Variants in CERS6 observed in about 807,000 individuals in gnomAD.
CERS6 encodes ceramide synthase 6.
In CERS6, 26 loss-of-function variants were observed where a neutral mutation model predicts 56.8. The observed-to-expected ratio is 0.46, with a 90% CI of 0.34 to 0.63. CERS6 has a LOEUF of 0.63. Among genes scored for constraint, CERS6 ranks in the 30% least tolerant of loss-of-function variants. CERS6 has a pLI of 0.01. For missense variants in CERS6, 415 were observed against 467.5 expected, an observed-to-expected ratio of 0.89 and a Z score of 1.04; for synonymous variants, 164 against 173.3, an observed-to-expected ratio of 0.95 and a Z score of 0.42.
chr2:168,465,455 C>G (rs1693853875), intron 1 of CERS6, among the ~76,000 whole-genome samples: 2 of 152,138 alleles, frequency 1.3e-5, no homozygotes, highest in African/African-American at 4.8e-5. Flanking sequence ...TCCCACAGGC[C>G]CCACCTCCTA....
At chr2:168,501,218 C>G (rs1450753455) in intron 1 of CERS6, among the ~76,000 whole-genome samples, 2 of 152,116 alleles carry the variant, frequency 1.3e-5, no homozygotes, top group Non-Finnish European at 2.9e-5. Context: ...GCATCAATAT[C>G]CATGATTCAG....
At chr2:168,491,583 G>A (rs959144205) in intron 1 of CERS6, among the ~76,000 whole-genome samples, 6 of 151,910 alleles carry the variant, frequency 3.9e-5, no homozygotes, top group African/African-American at 9.7e-5. Context: ...TGACTCCTTA[G>A]GGTTAACTAT....
At chr2:168,764,945 A>G (rs1684688277) in intron 8 of CERS6, among the ~76,000 whole-genome samples, 1 of 152,202 alleles carries the variant, frequency 6.6e-6, no homozygotes, top group African/African-American at 2.4e-5. Flanking sequence ...ATTATTTGCA[A>G]TGGCCAAAAG....
intron 1 of CERS6, among the ~76,000 whole-genome samples, chr2:168,479,978 A>G (rs1694150009): frequency 6.6e-6 from 1 of 152,016 alleles, no homozygotes; most frequent in Non-Finnish European, 1.5e-5. Flanking sequence ...TTCTTCCACC[A>G]CCATTTGTTA....
chr2:168,554,314 C>T (rs139451293), intron 2 of CERS6, among the ~76,000 whole-genome samples: 397 of 152,158 alleles, frequency 2.6e-3, no homozygotes, highest in African/African-American at 8.4e-3. Context: ...TGGTATGGGT[C>T]GAATTATTTT....
rs150634680 is a variant in CERS6, at chr2:168,504,436, C to T, written c.171-43160C>T. ...GTAGAGTTGTGGGGGAAGATCATGC[C>T]CCTTAAATCAGCTTGTAAAATGTGA... On this transcript the variant is annotated intron_variant, in intron 1 of 9. Transcript: ENST00000305747. Among the ~76,000 whole-genome samples the T allele has an allele frequency of 4.0e-3, 615 of 151,900 alleles. 5 individuals carry two copies. Among genetic ancestry groups the T allele is most frequent in the Middle Eastern group, 0.017 (5 of 294 alleles).
chr2:168,559,487 C>T lies in CERS6; in HGVS notation c.277-1705C>T, dbSNP rs552831219. Reference sequence around the variant, plus strand: ...GCACATGGCCATCTTCTCTTGTAACCTCACATGGAACAGACTGAGAGAGAC... The same window carrying T: ...GCACATGGCCATCTTCTCTTGTAACTTCACATGGAACAGACTGAGAGAGAC... On this transcript the variant is annotated intron_variant, in intron 2 of 9. Coordinates refer to ENST00000305747, the MANE Select transcript of CERS6 (RefSeq NM_203463.3). Among the ~76,000 whole-genome samples the T allele has an allele frequency of 4.2e-4, 64 of 151,952 alleles. 2 individuals carry two copies. Among genetic ancestry groups the T allele is most frequent in the Middle Eastern group, 6.8e-3 (2 of 294 alleles).
At position 168,717,684 on chromosome 2, in the gene CERS6, A is replaced by G. The variant is rs150071331; in HGVS notation, c.739-188A>G. Among the ~76,000 whole-genome samples, 248 of 152,296 alleles carry G rather than the reference A, an allele frequency of 1.6e-3. 3 individuals carry two copies. The highest frequency in any genetic ancestry group is 5.7e-3 in the African/African-American group (238 of 41,566). On this transcript the variant is annotated intron_variant, in intron 7 of 9. Transcript: ENST00000305747. Reference sequence around the variant, plus strand: ...TATGGCTAATGCTGCCTTTCACTCAACTTACGGGTAATTTATAAATACTGG... The same window carrying G: ...TATGGCTAATGCTGCCTTTCACTCAGCTTACGGGTAATTTATAAATACTGG...
At chr2:168,736,806 C>T (rs1683728874) in intron 8 of CERS6, among the ~76,000 whole-genome samples, 1 of 152,200 alleles carries the variant, frequency 6.6e-6, no homozygotes, top group Non-Finnish European at 1.5e-5. Context: ...TAAGGACAGC[C>T]CTGGCATGGC....
intron 8 of CERS6, among the ~76,000 whole-genome samples, chr2:168,734,046 C>T (rs946258556): frequency 1.3e-5 from 2 of 152,094 alleles, no homozygotes; most frequent in African/African-American, 4.8e-5. Context: ...GAATAAATCT[C>T]ACTTGCTAAA....
intron 3 of CERS6, among the ~76,000 whole-genome samples, chr2:168,566,289 C>T (rs150672995): frequency 5.9e-5 from 9 of 152,228 alleles, no homozygotes; most frequent in African/African-American, 1.7e-4. Context: ...GCTGAAGTTA[C>T]GGAGTTTGTT....
chr2:168,635,408 G>T (rs1684840433), intron 4 of CERS6, among the ~76,000 whole-genome samples: 1 of 152,188 alleles, frequency 6.6e-6, no homozygotes, highest in African/African-American at 2.4e-5. Flanking sequence ...GGAGGCAGGG[G>T]ATGAACGTGA....
chr2:168,560,104 A>G (rs1295779480), intron 2 of CERS6, among the ~76,000 whole-genome samples: 1 of 152,178 alleles, frequency 6.6e-6, no homozygotes, highest in Non-Finnish European at 1.5e-5. Flanking sequence ...GTGAGACTTC[A>G]CAATCATGGC....
chr2:168,743,685 G>A (rs545229013), intron 8 of CERS6, among the ~76,000 whole-genome samples: 302 of 152,160 alleles, frequency 2.0e-3, no homozygotes, highest in Non-Finnish European at 3.4e-3. Flanking sequence ...AATCTAAAGG[G>A]GAATATTTTT....
chr2:168,551,999 G>T (rs1695581735), intron 2 of CERS6, among the ~76,000 whole-genome samples: 1 of 152,026 alleles, frequency 6.6e-6, no homozygotes, highest in Admixed American at 6.6e-5. Flanking sequence ...AGCCATGGGG[G>T]TGAGAATATA....
Position 168,456,321 on chromosome 2 carries a change from C to CG in CERS6, c.-126dup. On this transcript the variant is annotated 5_prime_UTR_variant, in exon 1 of 10. Coordinates refer to ENST00000305747, the MANE Select transcript of CERS6 (RefSeq NM_203463.3). This position sits in a 1 kb window ranked among gnomAD's most constrained non-coding sequence, Gnocchi z 4.1. ...GCAGCGGCCGCGGAGGAGGCGGCGGCGGCGGGCGGGAGCAGCGGCGGCGGC... is the reference window on the plus strand; with the variant it reads ...GCAGCGGCCGCGGAGGAGGCGGCGGCGGGCGGGCGGGAGCAGCGGCGGCGGC... 3 of 436,476 alleles carry CG rather than the reference C, an allele frequency of 6.9e-6. No individual in the cohort carries two copies. The highest frequency in any genetic ancestry group is 9.9e-6 in the Non-Finnish European group (3 of 301,858). 27.0% of individuals were successfully genotyped at this position (436,476 alleles called of 1,614,324 possible). A position where few individuals can be genotyped will look rare whatever the true frequency, so the allele number is the denominator to read the frequency against.
intron 4 of CERS6, among the ~76,000 whole-genome samples, chr2:168,676,540 A>T (rs374517279): frequency 2.1e-4 from 32 of 152,378 alleles, no homozygotes; most frequent in Middle Eastern, 3.4e-3. Context: ...ATTAACTTAA[A>T]AGCTTGAATT....
chr2:168,478,570 G>C (rs1694120992), intron 1 of CERS6, among the ~76,000 whole-genome samples: 1 of 152,200 alleles, frequency 6.6e-6, no homozygotes, highest in African/African-American at 2.4e-5. Context: ...CAGGGAGCTT[G>C]TTAGAAATGC....
intron 4 of CERS6, among the ~76,000 whole-genome samples, chr2:168,669,921 G>A (rs1685866278): frequency 6.6e-6 from 1 of 152,196 alleles, no homozygotes; most frequent in African/African-American, 2.4e-5. Flanking sequence ...ACATATTGAA[G>A]AATTAAGTGT....
Sources: gnomAD v4.1 joint callset for allele counts (sites outside exome capture counted in the v4.1 genomes callset) on GRCh38, gnomAD v4.1.1 for gene constraint, Gnocchi (gnomAD v3.1) non-coding constraint, MANE v1.5 for transcripts, NCBI Gene and HGNC (gene_info 2026-07-23, HGNC 2026-07-21) for gene names.